Variants in SRPK2 observed in about 807,000 individuals in gnomAD.
SRPK2 encodes SFRS protein kinase 2.
Under a neutral mutation model 90.8 loss-of-function variants are expected in SRPK2, and 21 were observed. That is an observed-to-expected ratio of 0.23 (90% CI 0.16 to 0.33). The LOEUF is 0.33. Among genes scored for constraint, SRPK2 ranks in the 10% least tolerant of loss-of-function variants. The pLI, the probability that SRPK2 is intolerant of heterozygous loss-of-function variation, is 1.00. For missense variants in SRPK2, 620 were observed against 869.0 expected (o/e 0.71, Z 3.60); for synonymous variants, 288 against 311.1 (o/e 0.93, Z 0.78).
intron 2 of SRPK2, among the ~76,000 whole-genome samples, chr7:105,307,726 C>A (rs955547210): frequency 1.3e-5 from 2 of 152,044 alleles, no homozygotes; most frequent in African/African-American, 2.4e-5. Context: ...GGGGTTTTTT[C>A]CCCCTTATTT....
At chr7:105,145,992 G>A (rs934660615) in intron 8 of SRPK2, among the ~76,000 whole-genome samples, 3 of 151,940 alleles carry the variant, frequency 2.0e-5, no homozygotes, top group South Asian at 2.1e-4. Flanking sequence ...CCACCTCCCC[G>A]ACCCCGCCCC....
At chr7:105,223,737 C>G (rs1798377611) in intron 2 of SRPK2, among the ~76,000 whole-genome samples, 1 of 152,182 alleles carries the variant, frequency 6.6e-6, no homozygotes, top group Admixed American at 6.5e-5. Flanking sequence ...TTTCTTGAAG[C>G]TAATTTTTGT....
chr7:105,231,535 G>C (rs115153545), intron 2 of SRPK2, among the ~76,000 whole-genome samples: 87 of 152,262 alleles, frequency 5.7e-4, no homozygotes, highest in Non-Finnish European at 5.3e-4. Context: ...CCCACCAACA[G>C]TGTATAAATG....
chr7:105,210,614 C>T (rs1405840128), intron 2 of SRPK2, among the ~76,000 whole-genome samples: 1 of 152,174 alleles, frequency 6.6e-6, no homozygotes, highest in Non-Finnish European at 1.5e-5. Context: ...TGACCCTCAT[C>T]CATGTTAAAT....
At chr7:105,302,073 A>C (rs992437470) in intron 2 of SRPK2, 1 of 1,553,014 alleles carries the variant, frequency 6.4e-7, no homozygotes, top group African/African-American at 1.4e-5. Flanking sequence ...ACTGGCTCTA[A>C]GGATGATGAG....
chr7:105,116,319 C>G (rs924407420), downstream of SRPK2: 7 of 152,274 alleles, frequency 4.6e-5, no homozygotes, highest in African/African-American at 1.2e-4. Flanking sequence ...TGACACTACT[C>G]TGATAGCAAA....
At chr7:105,150,327 T>C (rs574636915) in intron 7 of SRPK2, among the ~76,000 whole-genome samples, 3 of 152,286 alleles carry the variant, frequency 2.0e-5, no homozygotes, top group East Asian at 3.9e-4. Flanking sequence ...GAGACCAGCC[T>C]GGCCAACATG....
chr7:105,150,417 C>A (rs1156323137), intron 7 of SRPK2, among the ~76,000 whole-genome samples: 1 of 152,196 alleles, frequency 6.6e-6, no homozygotes, highest in East Asian at 1.9e-4. Flanking sequence ...CGCCTGTAAT[C>A]CCAGCTACTC....
At chr7:105,157,117 G>C (rs551891650) in intron 7 of SRPK2, among the ~76,000 whole-genome samples, 3 of 152,198 alleles carry the variant, frequency 2.0e-5, no homozygotes, top group Non-Finnish European at 4.4e-5. Flanking sequence ...AGAAAAGCCT[G>C]TGAAAAGGTA....
chr7:105,200,755 C>G (rs1795445967), intron 3 of SRPK2, among the ~76,000 whole-genome samples: 1 of 152,140 alleles, frequency 6.6e-6, no homozygotes, highest in African/African-American at 2.4e-5. Flanking sequence ...TATAAAATAA[C>G]CGGTTTACAA....
chr7:105,313,615 G>T (rs907058748), intron 2 of SRPK2, among the ~76,000 whole-genome samples: 7 of 152,104 alleles, frequency 4.6e-5, no homozygotes, highest in African/African-American at 1.7e-4. Context: ...GCCAGGTGTG[G>T]CGTCGTGGAC....
Position 105,127,146 on chromosome 7 carries a change from C to T in SRPK2, c.1753-84G>A, listed in dbSNP as rs565439252. 2.9e-5 allele frequency: 38 copies of T among 1,314,164 alleles called. No individual in the cohort carries two copies. In the East Asian group the frequency reaches 8.8e-4, roughly 30 times the overall value. 81.4% of individuals were successfully genotyped at this position (1,314,164 alleles called of 1,614,324 possible). ...TTTTTCTCCTTATAGAAGAGACCGC[C>T]ACTTTATGAAGATCTGAATCAAACA... On this transcript the variant is annotated intron_variant, in intron 13 of 15. Transcript: ENST00000393651.
At position 105,348,426 on chromosome 7, in the gene SRPK2, T is replaced by C. The variant is rs777320077; in HGVS notation, c.71+40222A>G. The stretch of plus-strand genomic sequence containing the variant: ...AAATGCCTTTGAACTTTTTTCTTTC[T>C]TTTTTTTTTTTTTTTTGAGATGCAG... On this transcript the variant is annotated intron_variant, in intron 2 of 15. Coordinates refer to ENST00000393651, the MANE Select transcript of SRPK2 (RefSeq NM_182692.3). Among the ~76,000 whole-genome samples the C allele has an allele frequency of 4.8e-3, 635 of 133,200 alleles. 2 individuals are homozygous for C. Among genetic ancestry groups the C allele is most frequent in the Non-Finnish European group, 7.5e-3 (457 of 60,938 alleles). 87.4% of individuals were successfully genotyped at this position (133,200 alleles called of 152,430 possible).
intron 2 of SRPK2, among the ~76,000 whole-genome samples, chr7:105,256,538 G>C (rs1006218567): frequency 6.6e-6 from 1 of 152,096 alleles, no homozygotes; most frequent in Non-Finnish European, 1.5e-5. Flanking sequence ...AAATTATTTT[G>C]TAGAGACGGG....
intron 2 of SRPK2, among the ~76,000 whole-genome samples, chr7:105,221,743 T>C (rs1215204804): frequency 6.6e-6 from 1 of 152,192 alleles, no homozygotes; most frequent in African/African-American, 2.4e-5. Flanking sequence ...CCATCTTCCT[T>C]TTTAACAGAG....
chr7:105,149,176 A>G (rs949806602), intron 7 of SRPK2, among the ~76,000 whole-genome samples: 14 of 152,140 alleles, frequency 9.2e-5, no homozygotes, highest in African/African-American at 3.4e-4. Flanking sequence ...TGCCCCTGGG[A>G]ACTGAATGTC....
At chr7:105,165,029 G>A (rs1789857833) in intron 6 of SRPK2, among the ~76,000 whole-genome samples, 2 of 152,140 alleles carry the variant, frequency 1.3e-5, no homozygotes, top group Admixed American at 1.3e-4. Context: ...TATCTCAGAG[G>A]ATCCAACACC....
At chr7:105,121,398 G>T (rs946234841) in intron 15 of SRPK2, among the ~76,000 whole-genome samples, 67 of 146,844 alleles carry the variant, frequency 4.6e-4, no homozygotes, top group Non-Finnish European at 3.6e-4. Context: ...AGAGAGAAAA[G>T]AAAATATATG....
intron 2 of SRPK2, among the ~76,000 whole-genome samples, chr7:105,323,289 A>G (rs1813150243): frequency 6.6e-6 from 1 of 152,254 alleles, no homozygotes; most frequent in South Asian, 2.1e-4. Flanking sequence ...AGAAAAGTAT[A>G]CACTAAAACT....
Sources: gnomAD v4.1 joint callset for allele counts (sites outside exome capture counted in the v4.1 genomes callset) on GRCh38, gnomAD v4.1.1 for gene constraint, MANE v1.5 for transcripts, NCBI Gene and HGNC (gene_info 2026-07-23, HGNC 2026-07-21) for gene names.